Variants in N4BP3 observed in about 807,000 individuals in gnomAD.
The protein encoded by N4BP3 is NEDD4-binding protein 3.
In N4BP3, 33 loss-of-function variants were observed where a neutral mutation model predicts 43.8. The ratio of observed to expected loss-of-function variants is 0.75; its 90% CI spans 0.57 to 1.01. N4BP3 has a LOEUF of 1.01. Among genes scored for constraint, N4BP3 ranks in the 50% least tolerant of loss-of-function variants. N4BP3 has a pLI of 0.00. For missense variants in N4BP3, 756 were observed against 744.2 expected, an observed-to-expected ratio of 1.02 and a Z score of -0.18; for synonymous variants, 326 against 321.9, an observed-to-expected ratio of 1.01 and a Z score of -0.14.
Position 178,117,638 on chromosome 5 carries a change from A to AAAAAAAAAAAAG in N4BP3, c.-30-1916_-30-1915insAAAAAAAAAAAG, listed in dbSNP as rs148196961. On this transcript the variant is annotated intron_variant, in intron 1 of 4. Transcript: ENST00000274605. ...GTCTCAAAAAAAAAAAAAAAAAAAAAGAAGGGACAATAACTCTGTCACAGG... is the reference window on the plus strand; with the variant it reads ...GTCTCAAAAAAAAAAAAAAAAAAAAAAAAAAAAAAAAGGAAGGGACAATAACTCTGTCACAGG... Among the ~76,000 whole-genome samples, 5 of 108,384 alleles carry AAAAAAAAAAAAG rather than the reference A, an allele frequency of 4.6e-5. 2 individuals are homozygous for AAAAAAAAAAAAG. Among genetic ancestry groups the AAAAAAAAAAAAG allele is most frequent in the Non-Finnish European group, 5.5e-5 (3 of 54,630 alleles). The allele number at this position is 108,384 out of a possible 152,430, so 71.1% of individuals were successfully genotyped here.
chr5:178,121,220 G>A lies in N4BP3; in HGVS notation c.975G>A (p.Met325Ile). The stretch of plus-strand genomic sequence containing the variant: ...GCAACCTCCAGCTGCAGCTGTTTAT[G>A]GCTCAGCAGGAGCAGCGGCGCCTGC... ...SERNLQLQLF[M>I]AQQEQRRLRK... The change falls in exon 4 of 5, where the codon ATG becomes ATA. Residue 325 changes from methionine to isoleucine, a missense_variant. Physicochemically the swap from Met to Ile is conservative, Grantham distance 10 (BLOSUM62 1). Transcript: ENST00000274605. 6.2e-7 allele frequency: 1 copy of A among 1,603,226 alleles called. No individual in the cohort carries two copies. Among genetic ancestry groups the A allele is most frequent in the Non-Finnish European group, 8.5e-7 (1 of 1,176,528 alleles).
In N4BP3 at chr5:178,120,475, T is replaced by C; in HGVS notation, c.628T>C (p.Ser210Pro). The C allele has an allele frequency of 1.2e-6, 2 of 1,612,974 alleles. No homozygotes were observed. Among genetic ancestry groups the C allele is most frequent in the Non-Finnish European group, 8.5e-7 (1 of 1,179,986 alleles). Residue 210 changes from serine to proline, a missense_variant, in exon 3 of 5, where the codon TCC (serine) becomes CCC (proline). Ser to Pro is a moderately conservative substitution (Grantham distance 74). Coordinates refer to ENST00000274605, the MANE Select transcript of N4BP3 (RefSeq NM_015111.2). ...TGGTACTGGCCCTAGCCCCTTCAGCTCCTCCCTTGGCCACCTTAACCACCT... is the reference window on the plus strand; with the variant it reads ...TGGTACTGGCCCTAGCCCCTTCAGCCCCTCCCTTGGCCACCTTAACCACCT... ...SPGTGPSPFS[S>P]SLGHLNHLGG... is the part of the protein sequence containing the mutation.
In N4BP3 at chr5:178,125,076, T is replaced by C. The variant is rs531930730; in HGVS notation, c.*3075T>C. ...GGGTTTGAGCTTGGGGTGGGGTGGA[T>C]GGGGAAGACTTACTCTGAATGTTCG... On this transcript the variant is annotated 3_prime_UTR_variant, in exon 5 of 5. Coordinates refer to ENST00000274605, the MANE Select transcript of N4BP3 (RefSeq NM_015111.2). 3.9e-5 allele frequency: 6 copies of C among 152,266 alleles called. No individual in the cohort carries two copies. The East Asian group carries it at 1.2e-3, about 29-fold the overall frequency. 9.4% of individuals were successfully genotyped at this position (152,266 alleles called of 1,614,324 possible).
At position 178,120,322 on chromosome 5, in the gene N4BP3, A is replaced by G. The variant is rs1757884366; in HGVS notation, c.475A>G (p.Ser159Gly). The part of the protein sequence containing the change: ...LHTLACHPPL[S>G]PGPRASQARA... The stretch of plus-strand genomic sequence containing the variant: ...CACGCTGGCCTGCCACCCGCCCCTG[A>G]GCCCCGGGCCCCGGGCCAGCCAGGC... The change falls in exon 3 of 5, where the codon AGC (serine) becomes GGC (glycine). Residue 159 changes from serine (S) to glycine (G), a missense_variant. Transcript: ENST00000274605. 6.2e-7 allele frequency: 1 copy of G among 1,607,794 alleles called. No homozygotes were observed. The highest frequency in any genetic ancestry group is 1.3e-5 in the African/African-American group (1 of 74,718).
In N4BP3 at chr5:178,120,241, C is replaced by G. The variant is rs1757880902; in HGVS notation, c.394C>G (p.Gln132Glu). Residue 132 changes from glutamine (Q) to glutamate (E), a missense_variant, in exon 3 of 5, where the codon CAA becomes GAA. Gln to Glu is a conservative substitution (Grantham distance 29). Coordinates refer to ENST00000274605, the MANE Select transcript of N4BP3 (RefSeq NM_015111.2). ...CAACGGGAAAGGCTTCCTATCCATG[C>G]AAAGTCTGGCGTCCCACAAAGGCCA... is the stretch of plus-strand genomic sequence containing the variant. ...AGNGKGFLSM[Q>E]SLASHKGQKL... 1 of 1,605,710 alleles carries G rather than the reference C, an allele frequency of 6.2e-7. No homozygotes were observed. The highest frequency in any genetic ancestry group is 1.3e-5 in the African/African-American group (1 of 74,596).
Position 178,122,107 on chromosome 5 carries a change from C to T in N4BP3, c.*106C>T. On this transcript the variant is annotated 3_prime_UTR_variant, in exon 5 of 5. Coordinates refer to ENST00000274605, the MANE Select transcript of N4BP3 (RefSeq NM_015111.2). ...TGGGGTGGAACCTGCAGAGGCCAGC[C>T]CGGGGCTGGGGAGGCGCAAGGAGAG... is the stretch of plus-strand genomic sequence containing the variant. 2 of 1,379,954 alleles carry T rather than the reference C, an allele frequency of 1.4e-6. No individual in the cohort carries two copies. The highest frequency in any genetic ancestry group is 9.6e-7 in the Non-Finnish European group (1 of 1,043,946). The allele number at this position is 1,379,954 out of a possible 1,614,324, so 85.5% of individuals were successfully genotyped here.
rs1345215987 is a variant in N4BP3 at position 178,118,231 on chromosome 5, G to A, written c.-30-1323G>A. Among the ~76,000 whole-genome samples the A allele has an allele frequency of 6.6e-6, 1 of 152,204 alleles. No individual in the cohort carries two copies. Among genetic ancestry groups the A allele is most frequent in the Non-Finnish European group, 1.5e-5 (1 of 68,036 alleles). On this transcript the variant is annotated intron_variant, in intron 1 of 4. Coordinates refer to ENST00000274605, the MANE Select transcript of N4BP3 (RefSeq NM_015111.2). This position sits in a 1 kb window ranked among gnomAD's most constrained non-coding sequence, Gnocchi z 5.4. The stretch of plus-strand genomic sequence containing the variant: ...GCCCAGCACAGGTGGAAGGTGGTCC[G>A]TCAGCCTAGTCCCTTGGTGATGTTT...
chr5:178,122,114 TG>T lies in N4BP3; in HGVS notation c.*117del. ...GAACCTGCAGAGGCCAGCCCGGGGC[TG>T]GGGAGGCGCAAGGAGAGGAGGGATC... On this transcript the variant is annotated 3_prime_UTR_variant, in exon 5 of 5. Transcript: ENST00000274605. 7.5e-7 allele frequency: 1 copy of T among 1,333,776 alleles called. No individual in the cohort carries two copies. Among genetic ancestry groups the T allele is most frequent in the South Asian group, 1.5e-5 (1 of 65,280 alleles). The allele number at this position is 1,333,776 out of a possible 1,614,324, so 82.6% of individuals were successfully genotyped here. A position where few individuals can be genotyped will look rare whatever the true frequency, so the allele number is the denominator to read the frequency against.
Position 178,122,165 on chromosome 5 carries a change from G to A in N4BP3, c.*164G>A. On this transcript the variant is annotated 3_prime_UTR_variant, in exon 5 of 5. Transcript: ENST00000274605. ...CCAGTGGGGCCGTGGGCTGGGTAGGGTGCCTTGGCAGGAGCCAGGACAAGG... is the reference window on the plus strand; with the variant it reads ...CCAGTGGGGCCGTGGGCTGGGTAGGATGCCTTGGCAGGAGCCAGGACAAGG... The A allele has an allele frequency of 2.2e-6, 2 of 908,562 alleles. No individual in the cohort carries two copies. Among genetic ancestry groups the A allele is most frequent in the East Asian group, 2.7e-5 (1 of 36,578 alleles). 56.3% of individuals were successfully genotyped at this position (908,562 alleles called of 1,614,324 possible).
Position 178,121,242 on chromosome 5 carries a change from C to T in N4BP3, c.997C>T (p.Leu333=), listed in dbSNP as rs1443867894. ...LFMAQQEQRR[L]RKELRAQQGL... is the part of the protein sequence containing the mutation. Reference sequence around the variant, plus strand: ...TATGGCTCAGCAGGAGCAGCGGCGCCTGCGCAAGGAGCTGCGGGCTCAGCA... The same window carrying T: ...TATGGCTCAGCAGGAGCAGCGGCGCTTGCGCAAGGAGCTGCGGGCTCAGCA... Residue 333 remains leucine, a synonymous_variant, in exon 4 of 5, where the codon CTG becomes TTG. Coordinates refer to ENST00000274605, the MANE Select transcript of N4BP3 (RefSeq NM_015111.2). The T allele has an allele frequency of 1.2e-6, 2 of 1,605,124 alleles. No individual in the cohort carries two copies. Among genetic ancestry groups the T allele is most frequent in the East Asian group, 2.2e-5 (1 of 44,478 alleles).
chr5:178,119,469 A>G (rs752194849), intron 1 of N4BP3, 85 bp from the exon 2 acceptor site: 46 of 1,004,782 alleles, frequency 4.6e-5, no homozygotes, highest in Non-Finnish European at 5.8e-5. Context: ...GGGGAGCTAC[A>G]GGGAGCAAGT....
In N4BP3 at chr5:178,120,532, C is replaced by T; in HGVS notation, c.685C>T (p.Pro229Ser). ...GGSLDRASQG[P>S]KEAGPPAVLS... ...CTCCCTGGACCGGGCCTCTCAAGGACCCAAGGAGGCTGGGCCACCAGCTGT... is the reference window on the plus strand; with the variant it reads ...CTCCCTGGACCGGGCCTCTCAAGGATCCAAGGAGGCTGGGCCACCAGCTGT... Residue 229 changes from proline to serine, a missense_variant, in exon 3 of 5, where the codon CCC (proline) becomes TCC (serine). Coordinates refer to ENST00000274605, the MANE Select transcript of N4BP3 (RefSeq NM_015111.2). 6.2e-7 allele frequency: 1 copy of T among 1,613,088 alleles called. No individual in the cohort carries two copies. Among genetic ancestry groups the T allele is most frequent in the Non-Finnish European group, 8.5e-7 (1 of 1,180,014 alleles).
Position 178,121,173 on chromosome 5 carries a change from C to A in N4BP3, c.928C>A (p.Gln310Lys), listed in dbSNP as rs151081300. The A allele has an allele frequency of 1.0e-5, 16 of 1,601,888 alleles. No individual in the cohort carries two copies. The highest frequency in any genetic ancestry group is 1.3e-5 in the African/African-American group (1 of 74,826). Residue 310 changes from glutamine to lysine, a missense_variant, in exon 4 of 5, where the codon CAG (glutamine) becomes AAG (lysine). By Grantham distance (53) the Gln-to-Lys change is moderately conservative (BLOSUM62 1). Coordinates refer to ENST00000274605, the MANE Select transcript of N4BP3 (RefSeq NM_015111.2). ...TGTGGAGCGGCTGCACGAGGTGACC[C>A]AGAAGGCTGAGCGCAGCGAGCGCAA... Reference protein sequence around the residue: ...LYVERLHEVTQKAERSERNLQ... With the variant: ...LYVERLHEVTKKAERSERNLQ...
intron 1 of N4BP3, among the ~76,000 whole-genome samples, chr5:178,116,721 C>G (rs1036273323): frequency 6.6e-6 from 1 of 152,164 alleles, no homozygotes; most frequent in African/African-American, 2.4e-5. Flanking sequence ...CAGGGACTTT[C>G]CCTGGACCTG....
chr5:178,116,835 G>A (rs530973852), intron 1 of N4BP3, among the ~76,000 whole-genome samples: 5 of 152,172 alleles, frequency 3.3e-5, no homozygotes, highest in Admixed American at 2.0e-4. Context: ...TGAGGTGGGC[G>A]TATTTGGCAC....
downstream of N4BP3, among the ~76,000 whole-genome samples, chr5:178,126,729 C>T (rs1758072321): frequency 6.6e-6 from 1 of 152,168 alleles, no homozygotes; most frequent in Non-Finnish European, 1.5e-5. Context: ...AGCCCTTTCC[C>T]TAGCATCTCA....
At position 178,122,316 on chromosome 5, in the gene N4BP3, C is replaced by T; in HGVS notation, c.*315C>T. 3.2e-6 allele frequency: 1 copy of T among 310,852 alleles called. No homozygotes were observed. The highest frequency in any genetic ancestry group is 6.0e-6 in the Non-Finnish European group (1 of 166,858). 19.3% of individuals were successfully genotyped at this position (310,852 alleles called of 1,614,324 possible). ...GAAGGGCAGGTCAGAGGGAGAGAGG[C>T]TGGAGACCTGGGCTGGGGCCTTCCT... On this transcript the variant is annotated 3_prime_UTR_variant, in exon 5 of 5. Transcript: ENST00000274605.
In N4BP3 at chr5:178,121,518, G is replaced by T. The variant is rs1757922625; in HGVS notation, c.1152G>T (p.Leu384=). The change falls in exon 5 of 5, where the codon CTG becomes CTT. Residue 384 remains leucine, a synonymous_variant. Coordinates refer to ENST00000274605, the MANE Select transcript of N4BP3 (RefSeq NM_015111.2). ...TAEISLLKQQ[L]REAQAELAQK... ...AGATTAGCCTCTTGAAGCAGCAGCT[G>T]CGTGAAGCCCAGGCGGAACTGGCCC... The T allele has an allele frequency of 1.9e-6, 3 of 1,613,838 alleles. No individual in the cohort carries two copies. Among genetic ancestry groups the T allele is most frequent in the African/African-American group, 1.3e-5 (1 of 74,930 alleles).
Position 178,124,603 on chromosome 5 carries a change from A to T in N4BP3, c.*2602A>T, listed in dbSNP as rs3924305. 32,761 of 152,756 alleles carry T rather than the reference A, an allele frequency of 0.21. 3,711 individuals carry two copies. The highest frequency in any genetic ancestry group is 0.28 in the East Asian group (1,427 of 5,174). 9.5% of individuals were successfully genotyped at this position (152,756 alleles called of 1,614,324 possible). The stretch of plus-strand genomic sequence containing the variant: ...GGCAGCCTGCTCTGCGGAAGGTGGC[A>T]GCCTCCTGGTGCTGGGCTCCCTGCC... On this transcript the variant is annotated 3_prime_UTR_variant, in exon 5 of 5. Transcript: ENST00000274605.
Sources: allele counts gnomAD v4.1 joint callset (sites outside exome capture counted in the v4.1 genomes callset), GRCh38; gene constraint gnomAD v4.1.1; non-coding constraint Gnocchi (gnomAD v3.1); transcripts MANE v1.5; gene names NCBI Gene and HGNC (gene_info 2026-07-23, HGNC 2026-07-21).